Variants in SLC38A4 observed in about 807,000 individuals in gnomAD.
SLC38A4 encodes solute carrier family 38 member 4, also known as sodium-coupled neutral amino acid transporter 4.
SLC38A4 carries 20 observed loss-of-function variants against 63.1 expected under a neutral mutation model. The observed-to-expected ratio is 0.32, with a 90% confidence interval of 0.22 to 0.46. SLC38A4 has a LOEUF of 0.46. Ranked by LOEUF, SLC38A4 falls within the 20% of genes least tolerant of loss-of-function variation. The pLI, the probability that SLC38A4 is intolerant of heterozygous loss-of-function variation, is 1.00. For missense variants in SLC38A4, 526 were observed against 663.6 expected (o/e 0.79, Z 2.28); for synonymous variants, 230 against 225.5 (o/e 1.02, Z -0.18).
intron 2 of SLC38A4, among the ~76,000 whole-genome samples, chr12:46,794,012 T>C (rs766532418): frequency 6.6e-6 from 1 of 152,146 alleles, no homozygotes; most frequent in African/African-American, 2.4e-5. Flanking sequence ...TAATTTCTTC[T>C]GAAATTCTTA....
chr12:46,778,317 C>T lies in SLC38A4; in HGVS notation c.1045G>A (p.Val349Ile), dbSNP rs1382125642. The change falls in exon 12 of 17, where the codon GTC (valine) becomes ATC (isoleucine). Residue 349 changes from valine (V) to isoleucine (I), a missense_variant. Transcript: ENST00000266579. ...LVFAFVCHPE[V>I]LPIYSELKDR... ...TTAAGTTCACTGTAGATGGGAAGGA[C>T]CTCAGGGTGGCATACAAAAGCAAAT... is the stretch of plus-strand genomic sequence containing the variant. 1 of 1,612,486 alleles carries T rather than the reference C, an allele frequency of 6.2e-7. No individual in the cohort carries two copies. The highest frequency in any genetic ancestry group is 8.5e-7 in the Non-Finnish European group (1 of 1,179,120).
upstream of SLC38A4, among the ~76,000 whole-genome samples, chr12:46,830,534 G>T (rs1939717563): frequency 6.6e-6 from 1 of 152,012 alleles, no homozygotes; most frequent in Admixed American, 6.5e-5. Context: ...CAGCTACCCA[G>T]AAGCAAAAAA....
At chr12:46,808,537 G>C (rs191825398) in intron 1 of SLC38A4, among the ~76,000 whole-genome samples, 104 of 151,368 alleles carry the variant, frequency 6.9e-4, no homozygotes, top group Admixed American at 1.3e-3. Flanking sequence ...AAAAAAATCT[G>C]GTTAGACAAC....
intron 2 of SLC38A4, among the ~76,000 whole-genome samples, chr12:46,795,718 A>G (rs979058002): frequency 7.2e-5 from 11 of 152,146 alleles, no homozygotes; most frequent in African/African-American, 2.7e-4. Context: ...TTTGAATTCT[A>G]GATTCAGAAG....
chr12:46,787,591 CTCT>C (rs1245857139), intron 5 of SLC38A4, among the ~76,000 whole-genome samples: 10 of 152,126 alleles, frequency 6.6e-5, no homozygotes, highest in Non-Finnish European at 1.5e-4. Context: ...GCATGCAGGG[CTCT>C]TAGGCTTGGT....
In SLC38A4 at chr12:46,766,381, C is replaced by T. The variant is rs1280686941; in HGVS notation, c.*320G>A. 1 of 480,914 alleles carries T rather than the reference C, an allele frequency of 2.1e-6. No homozygotes were observed. The highest frequency in any genetic ancestry group is 4.1e-6 in the Non-Finnish European group (1 of 243,622). 29.8% of individuals were successfully genotyped at this position (480,914 alleles called of 1,614,324 possible). A position where few individuals can be genotyped will look rare whatever the true frequency, so the allele number is the denominator to read the frequency against. On this transcript the variant is annotated 3_prime_UTR_variant, in exon 17 of 17. Transcript: ENST00000266579. Reference sequence around the variant, plus strand: ...TGAGGAGACGGCAGGGGAAAGAGTACTATCTGATGATTGTTACATGCAGTT... The same window carrying T: ...TGAGGAGACGGCAGGGGAAAGAGTATTATCTGATGATTGTTACATGCAGTT...
intron 5 of SLC38A4, among the ~76,000 whole-genome samples, 187 bp downstream of exon 5, chr12:46,787,729 G>A (rs774759194): frequency 2.0e-5 from 3 of 152,130 alleles, no homozygotes; most frequent in East Asian, 1.9e-4. Flanking sequence ...GGCTGCTCCA[G>A]CACTTTGGTT....
intron 3 of SLC38A4, 29 bp from the exon 4 acceptor site, chr12:46,788,647 G>C: frequency 6.5e-7 from 1 of 1,549,324 alleles, no homozygotes; most frequent in Non-Finnish European, 8.9e-7. Context: ...AAATAAGAAA[G>C]TGAAAACATC....
At chr12:46,825,732 C>T (rs1467096901) in intron 1 of SLC38A4, among the ~76,000 whole-genome samples, 171 bp downstream of exon 1, 1 of 152,174 alleles carries the variant, frequency 6.6e-6, no homozygotes, top group Admixed American at 6.5e-5. Context: ...ATGCACGAAA[C>T]GCTTCTTAAA....
At chr12:46,788,733 C>T (rs1053860523) in intron 3 of SLC38A4, 115 bp from the exon 4 acceptor site, 6 of 912,460 alleles carry the variant, frequency 6.6e-6, no homozygotes, top group Admixed American at 2.3e-5. Flanking sequence ...AATAAGACAC[C>T]CCAATTTTCT....
intron 1 of SLC38A4, among the ~76,000 whole-genome samples, chr12:46,808,389 T>C (rs895115719): frequency 6.6e-6 from 1 of 152,046 alleles, no homozygotes; most frequent in Non-Finnish European, 1.5e-5. Flanking sequence ...ATTCTGGAAA[T>C]GTTTGAATAG....
chr12:46,773,741 G>C (rs970889420), intron 14 of SLC38A4, among the ~76,000 whole-genome samples: 1 of 152,058 alleles, frequency 6.6e-6, no homozygotes, highest in Non-Finnish European at 1.5e-5. Context: ...GTTACCAGCT[G>C]TCTGTGTGAC....
chr12:46,778,234 A>G (rs1938569049), intron 12 of SLC38A4, 55 bp downstream of exon 12: 2 of 1,531,840 alleles, frequency 1.3e-6, no homozygotes, highest in Non-Finnish European at 1.8e-6. Context: ...GAATCTTTGA[A>G]CATATGAGCA....
Position 46,820,177 on chromosome 12 carries a change from T to A in SLC38A4, c.-305+5726A>T, listed in dbSNP as rs552075301. On this transcript the variant is annotated intron_variant, in intron 1 of 16. Coordinates refer to ENST00000266579, the MANE Select transcript of SLC38A4 (RefSeq NM_018018.5). ...CAAAAGTTTCTTTGTGTCCTTTTGT[T>A]TAGTTTTGTTTGAGATAAGAACACT... Among the ~76,000 whole-genome samples the A allele has an allele frequency of 1.7e-4, 26 of 152,154 alleles. 1 individual carries two copies. The highest frequency in any genetic ancestry group is 6.0e-4 in the African/African-American group (25 of 41,560).
intron 2 of SLC38A4, among the ~76,000 whole-genome samples, chr12:46,795,827 A>G (rs536853939): frequency 3.1e-4 from 46 of 150,678 alleles, no homozygotes; most frequent in African/African-American, 1.1e-3. Flanking sequence ...TGGTTTTCTG[A>G]GGATTTCAGA....
chr12:46,820,119 C>T (rs1939511203), intron 1 of SLC38A4, among the ~76,000 whole-genome samples: 1 of 151,782 alleles, frequency 6.6e-6, no homozygotes, highest in Admixed American at 6.6e-5. Context: ...AAACTGTCAC[C>T]ATGGTCAATG....
chr12:46,826,439 A>G (rs986124903), upstream of SLC38A4, among the ~76,000 whole-genome samples: 2 of 152,208 alleles, frequency 1.3e-5, no homozygotes, highest in Admixed American at 6.5e-5. Context: ...TAGCAATCCT[A>G]TTTTATTGAG....
intron 15 of SLC38A4, among the ~76,000 whole-genome samples, chr12:46,769,061 A>C (rs1273265121): frequency 6.6e-6 from 1 of 152,074 alleles, no homozygotes; most frequent in African/African-American, 2.4e-5. Context: ...TTCCTCATCT[A>C]TCAGAAAAAG....
chr12:46,771,682 T>G (rs1165193269), intron 14 of SLC38A4, among the ~76,000 whole-genome samples: 1 of 152,100 alleles, frequency 6.6e-6, no homozygotes, highest in African/African-American at 2.4e-5. Flanking sequence ...AGGGAGGTAC[T>G]AGGCTTGTGG....
Sources: allele counts gnomAD v4.1 joint callset (sites outside exome capture counted in the v4.1 genomes callset), GRCh38; gene constraint gnomAD v4.1.1; transcripts MANE v1.5; gene names NCBI Gene and HGNC (gene_info 2026-07-23, HGNC 2026-07-21).